Variants in CTNND2 observed in about 807,000 individuals in gnomAD.
CTNND2 encodes catenin delta 2, also known as catenin delta-2.
A neutral mutation model predicts 144.4 loss-of-function variants in CTNND2; 22 were observed. The ratio of observed to expected loss-of-function variants is 0.15; its 90% CI spans 0.11 to 0.22. The LOEUF (loss-of-function observed/expected upper bound fraction) is 0.22. CTNND2 is among the 10% of genes least tolerant of loss of function. CTNND2 has a pLI of 1.00. For synonymous variants in CTNND2, 751 were observed against 695.6 expected, an observed-to-expected ratio of 1.08 and a Z score of -1.25; for missense variants, 1,353 against 1,618.8, an observed-to-expected ratio of 0.84 and a Z score of 2.82.
At chr5:11,294,277 C>CT (rs1748664391) in intron 9 of CTNND2, among the ~76,000 whole-genome samples, 1 of 151,812 alleles carries the variant, frequency 6.6e-6, no homozygotes, top group Non-Finnish European at 1.5e-5. Flanking sequence ...AAATGCATGC[C>CT]TTTTTAGTAT....
At chr5:11,096,859 C>T (rs577051635) in intron 15 of CTNND2, among the ~76,000 whole-genome samples, 1 of 152,176 alleles carries the variant, frequency 6.6e-6, no homozygotes, top group African/African-American at 2.4e-5. Flanking sequence ...TGATTTGCCA[C>T]AATCTAGATC....
At chr5:11,614,762 G>A (rs1780501143) in intron 2 of CTNND2, among the ~76,000 whole-genome samples, 1 of 152,158 alleles carries the variant, frequency 6.6e-6, no homozygotes, top group South Asian at 2.1e-4. Context: ...ACTGAGTGGG[G>A]TGGCATAACA....
In CTNND2 at chr5:11,199,420, A is replaced by C. The variant is rs747369887; in HGVS notation, c.1975+28T>G. ...TAATGGAAAGTTTATCTTGAGATATAATATAATAATTTAATAATGATTCTA... is the reference window on the plus strand; with the variant it reads ...TAATGGAAAGTTTATCTTGAGATATCATATAATAATTTAATAATGATTCTA... On this transcript the variant is annotated intron_variant, in intron 11 of 21. Transcript: ENST00000304623. 5.7e-6 allele frequency: 9 copies of C among 1,581,302 alleles called. No homozygotes were observed. The South Asian group carries it at 1.0e-4, about 18-fold the overall frequency.
chr5:11,347,292 T>G (rs1488371613), intron 8 of CTNND2, among the ~76,000 whole-genome samples: 2 of 152,186 alleles, frequency 1.3e-5, no homozygotes, highest in Non-Finnish European at 2.9e-5. Context: ...GAAGGGAGAA[T>G]AAGGCCAAAA....
intron 1 of CTNND2, among the ~76,000 whole-genome samples, chr5:11,897,014 G>A (rs1176475761): frequency 6.6e-6 from 1 of 152,114 alleles, no homozygotes; most frequent in East Asian, 1.9e-4. Flanking sequence ...CATGTCCTGG[G>A]TTAATGAGAC....
At chr5:11,407,987 T>C (rs1252910491) in intron 5 of CTNND2, among the ~76,000 whole-genome samples, 3 of 151,948 alleles carry the variant, frequency 2.0e-5, no homozygotes, top group South Asian at 4.2e-4. Context: ...GTTTGGCCAA[T>C]GGGAGGCAGG....
At chr5:11,815,148 G>A (rs1312487269) in intron 1 of CTNND2, among the ~76,000 whole-genome samples, 1 of 151,898 alleles carries the variant, frequency 6.6e-6, no homozygotes, top group Non-Finnish European at 1.5e-5. Context: ...GTAATATATA[G>A]GCAGATATAG....
chr5:11,641,972 C>T (rs1053631370), intron 2 of CTNND2, among the ~76,000 whole-genome samples: 2 of 151,940 alleles, frequency 1.3e-5, no homozygotes, highest in Non-Finnish European at 2.9e-5. Flanking sequence ...CTTTTCTTTA[C>T]GGTGCATAAC....
intron 18 of CTNND2, among the ~76,000 whole-genome samples, chr5:10,996,144 C>CA (rs1309061158): frequency 6.6e-6 from 1 of 152,126 alleles, no homozygotes; most frequent in Non-Finnish European, 1.5e-5. Context: ...TGCCTCTCTC[C>CA]AGCCACAGTC....
intron 11 of CTNND2, among the ~76,000 whole-genome samples, chr5:11,197,876 C>T (rs1476823815): frequency 6.6e-6 from 1 of 152,212 alleles, no homozygotes; most frequent in Non-Finnish European, 1.5e-5. Context: ...TTCTTCTACA[C>T]AATGAATTTT....
intron 11 of CTNND2, among the ~76,000 whole-genome samples, chr5:11,183,887 C>T (rs931619202): frequency 6.6e-6 from 1 of 152,062 alleles, no homozygotes; most frequent in South Asian, 2.1e-4. Context: ...CTCTTTCTCA[C>T]TCGCTCATGC....
chr5:11,458,922 C>T (rs929294287), intron 3 of CTNND2, among the ~76,000 whole-genome samples: 39 of 150,938 alleles, frequency 2.6e-4, no homozygotes, highest in Admixed American at 1.8e-3. Context: ...ACCACCACCA[C>T]GACTGTTTCT....
At chr5:11,361,889 T>G (rs914140193) in intron 8 of CTNND2, among the ~76,000 whole-genome samples, 3 of 152,252 alleles carry the variant, frequency 2.0e-5, no homozygotes, top group African/African-American at 7.2e-5. Context: ...TCGATCTTTC[T>G]GCCCCACTTC....
At chr5:11,888,127 C>A (rs187528187) in intron 1 of CTNND2, among the ~76,000 whole-genome samples, 108 of 152,224 alleles carry the variant, frequency 7.1e-4, no homozygotes, top group African/African-American at 2.5e-3. Flanking sequence ...TAAATTAATT[C>A]TAACCTCATT....
At chr5:11,552,011 C>A (rs184739461) in intron 3 of CTNND2, among the ~76,000 whole-genome samples, 34 of 152,226 alleles carry the variant, frequency 2.2e-4, no homozygotes, top group Middle Eastern at 3.4e-3. Context: ...CTCAAGTGAT[C>A]CCCTGCCCTT....
At chr5:11,618,700 T>A (rs1780694035) in intron 2 of CTNND2, among the ~76,000 whole-genome samples, 1 of 152,222 alleles carries the variant, frequency 6.6e-6, no homozygotes, top group African/African-American at 2.4e-5. Flanking sequence ...TACCATAAAT[T>A]GATTTTTTTC....
At chr5:11,446,441 G>A (rs1292635286) in intron 3 of CTNND2, among the ~76,000 whole-genome samples, 2 of 152,166 alleles carry the variant, frequency 1.3e-5, no homozygotes. Context: ...ATGTGGGTAG[G>A]GCTGTTGTAC....
At chr5:11,163,691 C>G (rs958523939) in intron 11 of CTNND2, among the ~76,000 whole-genome samples, 3 of 152,138 alleles carry the variant, frequency 2.0e-5, no homozygotes, top group Admixed American at 6.6e-5. Flanking sequence ...TTACCTAAAT[C>G]CACTTGTTCC....
intron 16 of CTNND2, among the ~76,000 whole-genome samples, chr5:11,039,333 G>C (rs1421089642): frequency 6.6e-6 from 1 of 152,190 alleles, no homozygotes; most frequent in Admixed American, 6.5e-5. Context: ...TAGACGGCTG[G>C]TCTTAATTCT....
Sources: gnomAD v4.1 joint callset for allele counts (sites outside exome capture counted in the v4.1 genomes callset) on GRCh38, gnomAD v4.1.1 for gene constraint, MANE v1.5 for transcripts, NCBI Gene and HGNC (gene_info 2026-07-23, HGNC 2026-07-21) for gene names.